The following NR5A2 variants were observed in gnomAD, a reference collection of about 807,000 sequenced individuals.
NR5A2 encodes the protein nuclear receptor subfamily 5 group A member 2, also known as CYP7A promoter-binding factor.
In NR5A2, 26 loss-of-function variants were observed where a neutral mutation model predicts 62.7. The observed-to-expected ratio is 0.41, with a 90% CI of 0.30 to 0.58. NR5A2 has a LOEUF of 0.58. Ranked by LOEUF, NR5A2 falls within the 20% of genes least tolerant of loss-of-function variation. The pLI is 0.22. For missense variants in NR5A2, 541 were observed against 669.1 expected (o/e 0.81, Z 2.11); for synonymous variants, 246 against 241.7 (o/e 1.02, Z -0.16).
chr1:200,164,867 G>GT (rs56818276), intron 7 of NR5A2, among the ~76,000 whole-genome samples: 1,342 of 63,924 alleles, frequency 0.021, 134 homozygotes, highest in African/African-American at 0.078. Context: ...TTTTAGAGCA[G>GT]TTTTTTTTTT....
At chr1:200,088,522 G>T (rs761462689) in intron 5 of NR5A2, among the ~76,000 whole-genome samples, 6 of 151,612 alleles carry the variant, frequency 4.0e-5, no homozygotes, top group Admixed American at 1.3e-4. Context: ...CTCCCAAAGT[G>T]CTGGGATTAC....
At position 200,048,284 on chromosome 1, in the gene NR5A2, G is replaced by T. The variant is rs556789514; in HGVS notation, c.576G>T (p.Lys192Asn). Residue 192 changes from lysine to asparagine, a missense_variant, in exon 5 of 8, where the codon AAG becomes AAT. Lys to Asn is a moderately conservative substitution (Grantham distance 94, BLOSUM62 0). Around this residue, in one of 3 missense-constraint regions of NR5A2, gnomAD observed 379 missense variants for 442.0 expected, o/e 0.86. Coordinates refer to ENST00000367362, the MANE Select transcript of NR5A2 (RefSeq NM_205860.3). This position sits in a 1 kb window ranked among gnomAD's most constrained non-coding sequence, Gnocchi z 4.8. ...KKALIRANGL[K>N]LEAMSQVIQA... ...CCCTCATCCGAGCCAATGGACTTAAGCTAGAAGCCATGTCTCAGGTGATCC... is the reference window on the plus strand; with the variant it reads ...CCCTCATCCGAGCCAATGGACTTAATCTAGAAGCCATGTCTCAGGTGATCC... The T allele has an allele frequency of 6.2e-7, 1 of 1,614,062 alleles. No individual in the cohort carries two copies. Among genetic ancestry groups the T allele is most frequent in the South Asian group, 1.1e-5 (1 of 91,072 alleles).
chr1:200,150,699 G>C (rs1018070266), intron 7 of NR5A2, among the ~76,000 whole-genome samples: 10 of 152,204 alleles, frequency 6.6e-5, no homozygotes, highest in African/African-American at 2.4e-4. Context: ...CACCAGTTTA[G>C]AAGTCTTCAC....
chr1:200,164,079 C>T (rs1385401416), intron 7 of NR5A2, among the ~76,000 whole-genome samples: 2 of 152,110 alleles, frequency 1.3e-5, no homozygotes, highest in African/African-American at 4.8e-5. Context: ...CCTCCCTACA[C>T]ATACTCTCTC....
In NR5A2 at chr1:200,168,397, G is replaced by T. The variant is rs139938863; in HGVS notation, c.1379-5566G>T. Reference sequence around the variant, plus strand: ...GCCAACTTTTTATTTTTATTTTTAGGGGGAGACAAGGGTCTTGCTGTGGTG... The same window carrying T: ...GCCAACTTTTTATTTTTATTTTTAGTGGGAGACAAGGGTCTTGCTGTGGTG... On this transcript the variant is annotated intron_variant, in intron 7 of 7. Coordinates refer to ENST00000367362, the MANE Select transcript of NR5A2 (RefSeq NM_205860.3). 5.7e-4 allele frequency among the ~76,000 whole-genome samples: 87 copies of T among 151,954 alleles called. No homozygotes were observed. In the East Asian group the frequency reaches 0.014, roughly 25 times the overall value.
intron 7 of NR5A2, among the ~76,000 whole-genome samples, chr1:200,154,508 T>C (rs1016377694): frequency 1.6e-4 from 24 of 152,246 alleles, no homozygotes; most frequent in African/African-American, 5.8e-4. Flanking sequence ...TGGTGGTCTC[T>C]GGTGGCCCCA....
At chr1:200,136,491 C>G (rs1667230632) in intron 7 of NR5A2, among the ~76,000 whole-genome samples, 1 of 152,212 alleles carries the variant, frequency 6.6e-6, no homozygotes, top group Non-Finnish European at 1.5e-5. Context: ...TCTTCATAAG[C>G]AAGCCTTCGA....
intron 1 of NR5A2, among the ~76,000 whole-genome samples, chr1:200,030,245 T>C (rs1021446149): frequency 6.6e-6 from 1 of 152,188 alleles, no homozygotes; most frequent in Non-Finnish European, 1.5e-5. Context: ...TACAATTCTA[T>C]ATTTAATTCA....
At position 200,147,912 on chromosome 1, in the gene NR5A2, T is replaced by A. The variant is rs1667788961; in HGVS notation, c.1379-26051T>A. 1 of 397,788 alleles carries A rather than the reference T, an allele frequency of 2.5e-6. No individual in the cohort carries two copies. The highest frequency in any genetic ancestry group is 4.7e-6 in the Non-Finnish European group (1 of 214,162). 24.6% of individuals were successfully genotyped at this position (397,788 alleles called of 1,614,324 possible). ...CGGCGCGCGGGGAGAAGCTGCGGGC[T>A]GTGATGTGGTGCAGCGCTTCGCCGG... On this transcript the variant is annotated intron_variant, in intron 7 of 7. Coordinates refer to ENST00000367362, the MANE Select transcript of NR5A2 (RefSeq NM_205860.3). This position sits in a 1 kb window ranked among gnomAD's most constrained non-coding sequence, Gnocchi z 4.9.
chr1:200,144,767 CA>C (rs1667611280), intron 7 of NR5A2, among the ~76,000 whole-genome samples: 1 of 152,124 alleles, frequency 6.6e-6, no homozygotes. Flanking sequence ...ATTCCTTCAC[CA>C]ATTACGGTAT....
intron 5 of NR5A2, among the ~76,000 whole-genome samples, chr1:200,060,937 A>G (rs1467926554): frequency 9.7e-6 from 1 of 103,508 alleles, no homozygotes; most frequent in African/African-American, 5.4e-5. Flanking sequence ...CCCCATCTCT[A>G]CTAAAAAAAA....
chr1:200,136,897 G>A (rs1365514394), intron 7 of NR5A2, among the ~76,000 whole-genome samples: 2 of 152,072 alleles, frequency 1.3e-5, no homozygotes, highest in Non-Finnish European at 2.9e-5. Flanking sequence ...TTATCACCAC[G>A]GTCAGAAGCA....
Position 200,111,276 on chromosome 1 carries a change from G to A in NR5A2, c.1185G>A (p.Val395=). The change falls in exon 6 of 8, where the codon GTG becomes GTA. Residue 395 remains valine, a synonymous_variant. Coordinates refer to ENST00000367362, the MANE Select transcript of NR5A2 (RefSeq NM_205860.3). ...TCCTCGACCACATTTACCGACAAGT[G>A]GTACATGGAAAGGAAGGATCCATCT... ...LLILDHIYRQ[V]VHGKEGSIFL... The A allele has an allele frequency of 6.2e-7, 1 of 1,612,558 alleles. No homozygotes were observed. The highest frequency in any genetic ancestry group is 8.5e-7 in the Non-Finnish European group (1 of 1,179,732).
chr1:200,121,215 A>G (rs996140834), intron 7 of NR5A2, among the ~76,000 whole-genome samples: 2 of 152,256 alleles, frequency 1.3e-5, no homozygotes, highest in Admixed American at 1.3e-4. Context: ...TCCATAATAT[A>G]CAGATAAGCA....
At chr1:200,129,416 T>A (rs1425430568) in intron 7 of NR5A2, among the ~76,000 whole-genome samples, 1 of 152,252 alleles carries the variant, frequency 6.6e-6, no homozygotes, top group Non-Finnish European at 1.5e-5. Flanking sequence ...AAGGCTGCTG[T>A]GTTAACATAG....
At chr1:200,050,142 C>A (rs1283065738) in intron 5 of NR5A2, among the ~76,000 whole-genome samples, 2 of 152,164 alleles carry the variant, frequency 1.3e-5, no homozygotes, top group Admixed American at 6.5e-5. Flanking sequence ...CAGATATTTT[C>A]CGAGTATGTG....
At chr1:200,057,154 A>C (rs1461188412) in intron 5 of NR5A2, among the ~76,000 whole-genome samples, 1 of 152,218 alleles carries the variant, frequency 6.6e-6, no homozygotes, top group Non-Finnish European at 1.5e-5. Flanking sequence ...CAGTAATACA[A>C]GTCCTTTAAG....
intron 5 of NR5A2, among the ~76,000 whole-genome samples, chr1:200,049,803 G>A (rs927317854): frequency 2.0e-5 from 3 of 152,180 alleles, no homozygotes; most frequent in Admixed American, 6.5e-5. Flanking sequence ...CTGAGAGAAG[G>A]AAAATGCAAA....
rs571427515 is a variant in NR5A2 at position 200,087,595 on chromosome 1, C to T, written c.1111-23607C>T. Among the ~76,000 whole-genome samples, 45 of 151,626 alleles carry T rather than the reference C, an allele frequency of 3.0e-4. 1 individual carries two copies. The South Asian group carries it at 9.4e-3, about 32-fold the overall frequency. ...TATTTTCAGTAGAGACAGAGTTTCA[C>T]CGTGTTAGCTAGGATGGTCGCGATC... On this transcript the variant is annotated intron_variant, in intron 5 of 7. Transcript: ENST00000367362.
Sources: allele counts gnomAD v4.1 joint callset (sites outside exome capture counted in the v4.1 genomes callset), GRCh38; gene constraint gnomAD v4.1.1; regional missense constraint gnomAD v4.1.1; non-coding constraint Gnocchi (gnomAD v3.1); transcripts MANE v1.5; gene names NCBI Gene and HGNC (gene_info 2026-07-23, HGNC 2026-07-21).